Variants in SIM2 observed in about 807,000 individuals in gnomAD.
SIM2 encodes SIM bHLH transcription factor 2, also known as single-minded homolog 2.
In SIM2, 28 loss-of-function variants were observed where a neutral mutation model predicts 64.8. The ratio of observed to expected loss-of-function variants is 0.43; its 90% CI spans 0.32 to 0.59. The LOEUF (loss-of-function observed/expected upper bound fraction) is 0.59. SIM2 is among the 20% of genes least tolerant of loss of function. The probability of loss-of-function intolerance (pLI) is 0.07; values close to 1 mark genes in which losing one functional copy is unlikely to be tolerated. For synonymous variants in SIM2, 408 were observed against 391.1 expected, an observed-to-expected ratio of 1.04 and a Z score of -0.51; for missense variants, 847 against 871.4, an observed-to-expected ratio of 0.97 and a Z score of 0.35.
In SIM2 at chr21:36,748,241, G is replaced by A; in HGVS notation, c.*149G>A. ...CCGCCGACTTGCGGATTTCCACCGCGGAGGCCCCGCGCGCCGGTGCCGAGG... is the reference window on the plus strand; with the variant it reads ...CCGCCGACTTGCGGATTTCCACCGCAGAGGCCCCGCGCGCCGGTGCCGAGG... On this transcript the variant is annotated 3_prime_UTR_variant, in exon 11 of 11. Transcript: ENST00000290399. 4.9e-6 allele frequency: 2 copies of A among 405,008 alleles called. No homozygotes were observed. Among genetic ancestry groups the A allele is most frequent in the Non-Finnish European group, 7.1e-6 (2 of 279,962 alleles). The allele number at this position is 405,008 out of a possible 1,614,324, so 25.1% of individuals were successfully genotyped here.
rs938849951 is a variant in SIM2 at position 36,726,581 on chromosome 21, G to A, written c.743+263G>A. On this transcript the variant is annotated intron_variant, in intron 6 of 10. Coordinates refer to ENST00000290399, the MANE Select transcript of SIM2 (RefSeq NM_005069.6). This position sits in a 1 kb window ranked among gnomAD's most constrained non-coding sequence, Gnocchi z 4.5. ...TATTTTATTTACTTATTGATTACTT[G>A]TTTTATTTTATTTACTTATTTGAAT... is the stretch of plus-strand genomic sequence containing the variant. Among the ~76,000 whole-genome samples the A allele has an allele frequency of 1.3e-5, 2 of 152,036 alleles. No individual in the cohort carries two copies. Among genetic ancestry groups the A allele is most frequent in the Non-Finnish European group, 2.9e-5 (2 of 68,000 alleles).
chr21:36,743,674 A>G, intron 9 of SIM2, 119 bp downstream of exon 9: 1 of 1,006,914 alleles, frequency 9.9e-7, no homozygotes. Context: ...CCTGCCGTGG[A>G]GCAAGGTCCC....
rs775484578 is a variant in SIM2 at position 36,741,671 on chromosome 21, G to A, written c.851-46G>A. 5 of 1,601,886 alleles carry A rather than the reference G, an allele frequency of 3.1e-6. No homozygotes were observed. The South Asian group carries it at 4.5e-5, about 14-fold the overall frequency. On this transcript the variant is annotated intron_variant, in intron 7 of 10. Coordinates refer to ENST00000290399, the MANE Select transcript of SIM2 (RefSeq NM_005069.6). ...CCGTTGGGGGCAGCATCCCAGAGGT[G>A]GGGCCTGCGAAGCGTCTGAGGACTC...
At chr21:36,708,085 C>T (rs914202517) in intron 1 of SIM2, among the ~76,000 whole-genome samples, 1 of 152,046 alleles carries the variant, frequency 6.6e-6, no homozygotes, top group Non-Finnish European at 1.5e-5. Context: ...GCGCGTTGTC[C>T]TCCGGGGAGG....
At chr21:36,711,547 C>T (rs950337271) in intron 2 of SIM2, among the ~76,000 whole-genome samples, 1 of 152,214 alleles carries the variant, frequency 6.6e-6, no homozygotes, top group Admixed American at 6.5e-5. Context: ...TTTTAGCCCC[C>T]TCTCTAGGGG....
chr21:36,737,577 T>C (rs1248871853), intron 7 of SIM2, among the ~76,000 whole-genome samples: 1 of 152,244 alleles, frequency 6.6e-6, no homozygotes, highest in Non-Finnish European at 1.5e-5. Flanking sequence ...AGAACCGTGA[T>C]GTCCACATGG....
rs564684066 is a variant in SIM2, at chr21:36,726,340, G to A, written c.743+22G>A. 6.2e-6 allele frequency: 10 copies of A among 1,601,722 alleles called. No individual in the cohort carries two copies. The South Asian group carries it at 1.0e-4, about 16-fold the overall frequency. Reference sequence around the variant, plus strand: ...CCAGGTGAGTTCGGCACCTGCCACAGTGGCTGTGGCCTTCTGGAAGACACC... The same window carrying A: ...CCAGGTGAGTTCGGCACCTGCCACAATGGCTGTGGCCTTCTGGAAGACACC... On this transcript the variant is annotated intron_variant, in intron 6 of 10. Transcript: ENST00000290399. This position sits in a 1 kb window ranked among gnomAD's most constrained non-coding sequence, Gnocchi z 4.5.
At chr21:36,710,827 C>A (rs1314893724) in intron 2 of SIM2, among the ~76,000 whole-genome samples, 2 of 152,194 alleles carry the variant, frequency 1.3e-5, no homozygotes, top group Non-Finnish European at 2.9e-5. Context: ...CGAGTAATGG[C>A]GCTCTGGGAG....
intron 1 of SIM2, among the ~76,000 whole-genome samples, chr21:36,708,555 C>G (rs987149519): frequency 6.6e-6 from 1 of 152,184 alleles, no homozygotes; most frequent in African/African-American, 2.4e-5. Flanking sequence ...AAACCCCTCA[C>G]AGGGAGAAGG....
intron 2 of SIM2, among the ~76,000 whole-genome samples, chr21:36,711,525 A>G (rs1254372367): frequency 6.6e-6 from 1 of 152,254 alleles, no homozygotes; most frequent in Non-Finnish European, 1.5e-5. Context: ...AGATTCACTT[A>G]TACTACATTC....
chr21:36,711,666 A>T (rs1375444756), intron 2 of SIM2, among the ~76,000 whole-genome samples: 1 of 152,216 alleles, frequency 6.6e-6, no homozygotes, highest in Admixed American at 6.5e-5. Flanking sequence ...TGGGGGCAAC[A>T]TTGTGGGTTG....
chr21:36,717,265 A>G (rs116714552), intron 3 of SIM2, among the ~76,000 whole-genome samples: 3,035 of 152,320 alleles, frequency 0.02, 92 homozygotes, highest in African/African-American at 0.068. Flanking sequence ...TCCCGAAAAC[A>G]CATCAGTTAC....
intron 3 of SIM2, among the ~76,000 whole-genome samples, chr21:36,719,061 C>T (rs933671933): frequency 3.9e-5 from 6 of 152,326 alleles, no homozygotes; most frequent in South Asian, 4.1e-4. Flanking sequence ...TAGGTAGCGT[C>T]GGACTGTTGA....
chr21:36,728,880 C>T (rs1358248712), intron 6 of SIM2, among the ~76,000 whole-genome samples: 1 of 152,260 alleles, frequency 6.6e-6, no homozygotes, highest in African/African-American at 2.4e-5. Context: ...ACACCCCGCA[C>T]AATCCCAGAC....
chr21:36,733,585 A>C (rs958778938), intron 7 of SIM2, among the ~76,000 whole-genome samples: 3 of 141,064 alleles, frequency 2.1e-5, no homozygotes, highest in African/African-American at 8.1e-5. Context: ...TTTCAGACAG[A>C]GTCTTGCTCT....
At chr21:36,730,968 TG>T (rs1293591243) in intron 6 of SIM2, 76 bp from the exon 7 acceptor site, 2 of 1,032,882 alleles carry the variant, frequency 1.9e-6, no homozygotes, top group Non-Finnish European at 3.0e-6. Flanking sequence ...CTTGATTAGT[TG>T]GCAAAACCAA....
chr21:36,706,347 C>T (rs2088581604), intron 1 of SIM2, among the ~76,000 whole-genome samples: 1 of 152,144 alleles, frequency 6.6e-6, no homozygotes, highest in Non-Finnish European at 1.5e-5. Flanking sequence ...TGCAGGGGTG[C>T]AGGGAGCTCC....
At position 36,726,924 on chromosome 21, in the gene SIM2, A is replaced by G. The variant is rs2088900360; in HGVS notation, c.743+606A>G. On this transcript the variant is annotated intron_variant, in intron 6 of 10. Coordinates refer to ENST00000290399, the MANE Select transcript of SIM2 (RefSeq NM_005069.6). This position sits in a 1 kb window ranked among gnomAD's most constrained non-coding sequence, Gnocchi z 4.5. Reference sequence around the variant, plus strand: ...CTGGCCTTGGGGAGTACCTCTCTCCAGACCCGTGCTGGAGTGGCCTTCACT... The same window carrying G: ...CTGGCCTTGGGGAGTACCTCTCTCCGGACCCGTGCTGGAGTGGCCTTCACT... Among the ~76,000 whole-genome samples, 1 of 152,222 alleles carries G rather than the reference A, an allele frequency of 6.6e-6. No homozygotes were observed. Among genetic ancestry groups the G allele is most frequent in the African/African-American group, 2.4e-5 (1 of 41,452 alleles).
intron 9 of SIM2, 59 bp downstream of exon 9, chr21:36,743,614 C>T (rs1416855852): frequency 6.7e-7 from 1 of 1,486,456 alleles, no homozygotes; most frequent in Non-Finnish European, 9.2e-7. Context: ...GTTCGGGACA[C>T]CTGGACACAT....
Sources: gnomAD v4.1 joint callset for allele counts (sites outside exome capture counted in the v4.1 genomes callset) on GRCh38, gnomAD v4.1.1 for gene constraint, Gnocchi (gnomAD v3.1) non-coding constraint, MANE v1.5 for transcripts, NCBI Gene and HGNC (gene_info 2026-07-23, HGNC 2026-07-21) for gene names.